CDKN2B-AS1: variants seen among roughly 807,000 people sequenced by gnomAD.
The protein encoded by CDKN2B-AS1 is CDKN2B antisense RNA 1 (non-protein coding).
intron 4 of CDKN2B-AS1, among the ~76,000 whole-genome samples, chr9:22,061,628 T>C (rs1251037099): frequency 2.0e-5 from 3 of 151,992 alleles, no homozygotes; most frequent in Non-Finnish European, 4.4e-5. Flanking sequence ...TTTAAAAGAG[T>C]AATCTATTTG....
rs530115156 is a variant in CDKN2B-AS1, at chr9:22,058,523, G to A, written n.438+2136G>A. 3 of 152,336 alleles carry A rather than the reference G, an allele frequency of 2.0e-5. No homozygotes were observed. The South Asian group carries it at 6.2e-4, about 32-fold the overall frequency. 9.4% of individuals were successfully genotyped at this position (152,336 alleles called of 1,614,324 possible). On this transcript the variant is annotated intron_variant and non_coding_transcript_variant, in intron 4 of 4. Coordinates refer to ENST00000650946, the Ensembl canonical transcript of CDKN2B-AS1. ...TGCTTCTTTCTAGGTTTGACAATGA[G>A]CCTATCATATAAGCCCAAATGTAAA...
At chr9:22,115,494 G>A (rs1335445706) in intron 4 of CDKN2B-AS1, among the ~76,000 whole-genome samples, 2 of 152,240 alleles carry the variant, frequency 1.3e-5, no homozygotes, top group African/African-American at 4.8e-5. Flanking sequence ...AAGTGATTCC[G>A]AAGAGAAACC....
chr9:22,074,762 TC>T (rs1467714765), intron 4 of CDKN2B-AS1, among the ~76,000 whole-genome samples: 3 of 152,212 alleles, frequency 2.0e-5, no homozygotes, highest in East Asian at 3.9e-4. Flanking sequence ...GAGATGCATA[TC>T]TGTGGACTAT....
intron 4 of CDKN2B-AS1, among the ~76,000 whole-genome samples, chr9:22,115,318 G>A (rs1204339749): frequency 3.3e-5 from 5 of 152,100 alleles, no homozygotes; most frequent in Non-Finnish European, 5.9e-5. Context: ...AGCATATTTT[G>A]TACAAATGAA....
intron 1 of CDKN2B-AS1, among the ~76,000 whole-genome samples, chr9:22,028,439 A>T (rs2131239985): frequency 6.6e-6 from 1 of 152,264 alleles, no homozygotes; most frequent in South Asian, 2.1e-4. Flanking sequence ...TTCAGTAGCT[A>T]ATACTAGCTA....
At chr9:22,082,687 A>G (rs1372757491) in intron 4 of CDKN2B-AS1, among the ~76,000 whole-genome samples, 1 of 152,228 alleles carries the variant, frequency 6.6e-6, no homozygotes, top group South Asian at 2.1e-4. Flanking sequence ...TGTATATTTT[A>G]TACCTGTAGT....
intron 1 of CDKN2B-AS1, among the ~76,000 whole-genome samples, chr9:22,010,858 A>G (rs1334635416): frequency 6.6e-6 from 1 of 152,170 alleles, no homozygotes; most frequent in Non-Finnish European, 1.5e-5. Context: ...CCAATTCTTG[A>G]GCCATTTTCT....
chr9:22,098,808 C>T (rs1486081739), intron 4 of CDKN2B-AS1, among the ~76,000 whole-genome samples: 1 of 152,174 alleles, frequency 6.6e-6, no homozygotes, highest in Admixed American at 6.5e-5. Flanking sequence ...ATGTACTTTC[C>T]CCTACACTGT....
At chr9:22,117,235 ATT>A (rs1482567606) in intron 4 of CDKN2B-AS1, among the ~76,000 whole-genome samples, 3 of 152,242 alleles carry the variant, frequency 2.0e-5, no homozygotes, top group African/African-American at 7.2e-5. Context: ...ATGCTATGAA[ATT>A]TTGTTTATTT....
chr9:22,124,153 A>C (rs1826143882), intron 4 of CDKN2B-AS1, among the ~76,000 whole-genome samples: 1 of 152,184 alleles, frequency 6.6e-6, no homozygotes, highest in Non-Finnish European at 1.5e-5. Context: ...TTCATTTATA[A>C]AAGGTTAGGA....
intron 4 of CDKN2B-AS1, among the ~76,000 whole-genome samples, chr9:22,063,148 T>C (rs1018583397): frequency 6.6e-6 from 1 of 152,068 alleles, no homozygotes; most frequent in South Asian, 2.1e-4. Flanking sequence ...CAAAGGCCTT[T>C]ACATCAAGAG....
In CDKN2B-AS1 at chr9:22,084,655, G is replaced by A. The variant is rs1469557964; in HGVS notation, n.438+28268G>A. Among the ~76,000 whole-genome samples the A allele has an allele frequency of 2.0e-5, 3 of 152,182 alleles. No individual in the cohort carries two copies. The East Asian group carries it at 5.8e-4, about 29-fold the overall frequency. On this transcript the variant is annotated intron_variant and non_coding_transcript_variant, in intron 4 of 4. Coordinates refer to ENST00000650946, the Ensembl canonical transcript of CDKN2B-AS1. Reference sequence around the variant, plus strand: ...GTTTTGTGGGGCATATCCAACTTTGGGTTGAAACTAAAATGGGTTCTTGGT... The same window carrying A: ...GTTTTGTGGGGCATATCCAACTTTGAGTTGAAACTAAAATGGGTTCTTGGT...
intron 1 of CDKN2B-AS1, chr9:22,009,108 G>T: frequency 8.3e-7 from 1 of 1,210,554 alleles, no homozygotes; most frequent in Non-Finnish European, 1.2e-6. Flanking sequence ...TCCTTCTGCG[G>T]CTTGGGGCCC....
intron 4 of CDKN2B-AS1, among the ~76,000 whole-genome samples, chr9:22,102,449 A>G (rs1270019860): frequency 6.6e-6 from 1 of 152,116 alleles, no homozygotes; most frequent in East Asian, 1.9e-4. Flanking sequence ...GTCTAAAATC[A>G]AGACTTCTGA....
intron 1 of CDKN2B-AS1, among the ~76,000 whole-genome samples, chr9:22,010,078 C>T (rs1177588792): frequency 6.6e-6 from 1 of 152,108 alleles, no homozygotes. Context: ...TATTTAAACC[C>T]ACTTTGTCAG....
intron 4 of CDKN2B-AS1, among the ~76,000 whole-genome samples, chr9:22,089,089 C>G (rs981145244): frequency 2.0e-5 from 3 of 152,122 alleles, no homozygotes; most frequent in Non-Finnish European, 4.4e-5. Flanking sequence ...TAAAAACACC[C>G]CCTGACATTT....
At chr9:22,127,576 G>C (rs764014784) in exon 5 of CDKN2B-AS1, among the ~76,000 whole-genome samples, 1 of 152,146 alleles carries the variant, frequency 6.6e-6, no homozygotes, top group South Asian at 2.1e-4. Flanking sequence ...GAGCATTTTT[G>C]TGTTTTTGGA....
chr9:22,061,563 C>A (rs2184061), intron 4 of CDKN2B-AS1, among the ~76,000 whole-genome samples: 97,395 of 151,976 alleles, frequency 0.64, 31,374 homozygotes, highest in Middle Eastern at 0.81. Flanking sequence ...CTGTTAGATA[C>A]AAAATTCATC....
intron 2 of CDKN2B-AS1, among the ~76,000 whole-genome samples, chr9:22,048,250 T>C (rs544680895): frequency 6.6e-6 from 1 of 152,250 alleles, no homozygotes; most frequent in Non-Finnish European, 1.5e-5. Flanking sequence ...TGTGTGCCTC[T>C]AAGGTGGATG....
Sources: allele counts gnomAD v4.1 joint callset (sites outside exome capture counted in the v4.1 genomes callset), GRCh38; gene constraint gnomAD v4.1.1; transcripts MANE v1.5; gene names NCBI Gene and HGNC (gene_info 2026-07-23, HGNC 2026-07-21).